SOCS5: variants seen among roughly 807,000 people sequenced by gnomAD.
SOCS5 encodes CIS-6.
In SOCS5, 32 loss-of-function variants were observed where a neutral mutation model predicts 42.8. The observed-to-expected ratio is 0.75, with a 90% CI of 0.56 to 1.01. The LOEUF is 1.01. Among genes scored for constraint, SOCS5 ranks in the 50% least tolerant of loss-of-function variants. The pLI is 0.00. For synonymous variants in SOCS5, 283 were observed against 229.6 expected, an observed-to-expected ratio of 1.23 and a Z score of -2.10; for missense variants, 627 against 653.0, an observed-to-expected ratio of 0.96 and a Z score of 0.43.
chr2:46,716,702 C>G (rs776673562), intron 1 of SOCS5, among the ~76,000 whole-genome samples: 1 of 152,134 alleles, frequency 6.6e-6, no homozygotes, highest in African/African-American at 2.4e-5. Context: ...TAGTCTTGAA[C>G]TTCTATCAAG....
chr2:46,730,659 T>C lies in SOCS5; in HGVS notation c.-12-27860T>C, dbSNP rs189332466. On this transcript the variant is annotated intron_variant, in intron 1 of 1. Coordinates refer to ENST00000394861, the MANE Select transcript of SOCS5 (RefSeq NM_144949.3). ...TCCTATTTCATACAATTTTTTCCCA[T>C]GAAATATTAAATGTATAACTAAATT... Among the ~76,000 whole-genome samples, 143 of 152,322 alleles carry C rather than the reference T, an allele frequency of 9.4e-4. 1 individual carries two copies. Among genetic ancestry groups the C allele is most frequent in the Non-Finnish European group, 1.6e-3 (106 of 68,016 alleles).
At chr2:46,745,957 C>T (rs1673485971) in intron 1 of SOCS5, among the ~76,000 whole-genome samples, 1 of 152,082 alleles carries the variant, frequency 6.6e-6, no homozygotes, top group Non-Finnish European at 1.5e-5. Flanking sequence ...CTCAATATTC[C>T]TAAATTATAA....
chr2:46,714,018 C>T (rs918233040), intron 1 of SOCS5, among the ~76,000 whole-genome samples: 1 of 152,154 alleles, frequency 6.6e-6, no homozygotes, highest in Admixed American at 6.5e-5. Flanking sequence ...CATACATACT[C>T]TTAATAACTT....
intron 1 of SOCS5, among the ~76,000 whole-genome samples, chr2:46,748,880 T>C (rs2103752526): frequency 1.3e-5 from 2 of 152,328 alleles, no homozygotes; most frequent in East Asian, 3.9e-4. Flanking sequence ...CTGAATATTA[T>C]TTGTAAATTA....
chr2:46,734,920 A>G (rs1054787177), intron 1 of SOCS5, among the ~76,000 whole-genome samples: 1 of 152,156 alleles, frequency 6.6e-6, no homozygotes, highest in Admixed American at 6.6e-5. Context: ...TACATCAGCC[A>G]TCTGAATCAT....
intron 1 of SOCS5, among the ~76,000 whole-genome samples, chr2:46,704,148 T>G (rs1400883536): frequency 6.6e-6 from 1 of 152,206 alleles, no homozygotes; most frequent in African/African-American, 2.4e-5. Flanking sequence ...TCAAAGCTAG[T>G]AAGAGGAAGC....
chr2:46,745,001 C>G (rs13402553), intron 1 of SOCS5, among the ~76,000 whole-genome samples: 7,187 of 150,598 alleles, frequency 0.048, 630 homozygotes, highest in African/African-American at 0.17. Context: ...TAGAATTATC[C>G]CATTTAAGTG....
chr2:46,729,129 G>C (rs1177921945), intron 1 of SOCS5, among the ~76,000 whole-genome samples: 4 of 152,186 alleles, frequency 2.6e-5, no homozygotes, highest in Non-Finnish European at 5.9e-5. Context: ...GTGTGGTTTA[G>C]TTTCTTAGCA....
intron 1 of SOCS5, among the ~76,000 whole-genome samples, chr2:46,721,394 A>G (rs1288886405): frequency 6.6e-6 from 1 of 152,204 alleles, no homozygotes; most frequent in Non-Finnish European, 1.5e-5. Context: ...GCATTCAATA[A>G]TTAACTTGAC....
At chr2:46,729,044 C>G (rs1673055773) in intron 1 of SOCS5, among the ~76,000 whole-genome samples, 1 of 152,190 alleles carries the variant, frequency 6.6e-6, no homozygotes, top group Non-Finnish European at 1.5e-5. Flanking sequence ...TTCGTTTTGA[C>G]AAGCCGTCTG....
intron 1 of SOCS5, among the ~76,000 whole-genome samples, chr2:46,714,042 C>G (rs886824044): frequency 6.6e-6 from 1 of 152,048 alleles, no homozygotes; most frequent in Non-Finnish European, 1.5e-5. Context: ...CCAATATAAA[C>G]TTTTTGATTG....
chr2:46,744,312 C>T (rs1050432045), intron 1 of SOCS5, among the ~76,000 whole-genome samples: 1 of 151,928 alleles, frequency 6.6e-6, no homozygotes, highest in Admixed American at 6.6e-5. Context: ...TTTTATAGAA[C>T]GTGGAATAAT....
intron 1 of SOCS5, among the ~76,000 whole-genome samples, chr2:46,722,198 A>G (rs897528): frequency 0.71 from 107,534 of 151,812 alleles, 39,248 homozygotes; most frequent in African/African-American, 0.88. Flanking sequence ...TCTCAGTCTA[A>G]AGTTTATACC....
At position 46,726,348 on chromosome 2, in the gene SOCS5, G is replaced by A. The variant is rs938335347; in HGVS notation, c.-13+26899G>A. Among the ~76,000 whole-genome samples the A allele has an allele frequency of 2.6e-5, 4 of 151,988 alleles. No individual in the cohort carries two copies. In the South Asian group the frequency reaches 8.3e-4, roughly 32 times the overall value. On this transcript the variant is annotated intron_variant, in intron 1 of 1. Transcript: ENST00000394861. ...CCTAACCTTGTGATCCACCCGCCTC[G>A]ACCTCCCAAAGTGCTGGAATTACAA... is the stretch of plus-strand genomic sequence containing the variant.
intron 1 of SOCS5, among the ~76,000 whole-genome samples, chr2:46,712,854 T>A (rs1672658734): frequency 6.6e-6 from 1 of 152,182 alleles, no homozygotes; most frequent in African/African-American, 2.4e-5. Flanking sequence ...TGAGGGATTA[T>A]TCTTGGTCTA....
chr2:46,703,341 A>G (rs563911907), intron 1 of SOCS5, among the ~76,000 whole-genome samples: 3 of 147,612 alleles, frequency 2.0e-5, no homozygotes, highest in African/African-American at 7.5e-5. Context: ...TGTAGCCATC[A>G]CAAGTTTTCA....
intron 1 of SOCS5, among the ~76,000 whole-genome samples, chr2:46,709,455 T>C (rs1468134831): frequency 6.6e-6 from 1 of 152,182 alleles, no homozygotes; most frequent in Non-Finnish European, 1.5e-5. Flanking sequence ...CTGACTTAGG[T>C]GGTGTTTAGC....
At chr2:46,726,367 A>G (rs191528144) in intron 1 of SOCS5, among the ~76,000 whole-genome samples, 2 of 152,278 alleles carry the variant, frequency 1.3e-5, no homozygotes, top group East Asian at 3.9e-4. Flanking sequence ...AAGTGCTGGA[A>G]TTACAAGGCA....
At chr2:46,704,262 C>T (rs1672410447) in intron 1 of SOCS5, among the ~76,000 whole-genome samples, 1 of 152,124 alleles carries the variant, frequency 6.6e-6, no homozygotes, top group African/African-American at 2.4e-5. Context: ...TGACCATAAA[C>T]AGGAACAATG....
Sources: gnomAD v4.1 joint callset for allele counts (sites outside exome capture counted in the v4.1 genomes callset) on GRCh38, gnomAD v4.1.1 for gene constraint, MANE v1.5 for transcripts, NCBI Gene and HGNC (gene_info 2026-07-23, HGNC 2026-07-21) for gene names.